The following SND1 variants were observed in gnomAD, a reference collection of about 807,000 sequenced individuals.
SND1 encodes the protein staphylococcal nuclease domain-containing protein 1.
A neutral mutation model predicts 121.7 loss-of-function variants in SND1; 38 were observed. The ratio of observed to expected loss-of-function variants is 0.31; its 90% CI spans 0.24 to 0.41. The LOEUF is 0.41. SND1 is among the 10% of genes least tolerant of loss of function. SND1 has a pLI of 1.00. For synonymous variants in SND1, 401 were observed against 447.4 expected (o/e 0.90, Z 1.31); for missense variants, 868 against 1,184.6 (o/e 0.73, Z 3.92).
chr7:128,004,659 G>A (rs746455973), intron 16 of SND1, among the ~76,000 whole-genome samples: 4 of 152,210 alleles, frequency 2.6e-5, no homozygotes, highest in Middle Eastern at 3.2e-3. Flanking sequence ...AGTCTTTGCC[G>A]CTCTGGTTGC....
Position 127,752,382 on chromosome 7 carries a change from A to G in SND1, c.1152+30982A>G, listed in dbSNP as rs181076719. Among the ~76,000 whole-genome samples the G allele has an allele frequency of 1.1e-4, 16 of 152,282 alleles. No homozygotes were observed. In the East Asian group the frequency reaches 3.1e-3, roughly 29 times the overall value. ...AACAAAACACATTTATTAAATACCT[A>G]TTGTGTGCCAGCTATTGGAAATAGA... On this transcript the variant is annotated intron_variant, in intron 10 of 23. Transcript: ENST00000354725.
intron 15 of SND1, among the ~76,000 whole-genome samples, chr7:127,953,694 G>A (rs1311038386): frequency 6.6e-6 from 1 of 152,170 alleles, no homozygotes; most frequent in African/African-American, 2.4e-5. Context: ...ATGGAGAAAT[G>A]TTTTTCCTCG....
intron 10 of SND1, among the ~76,000 whole-genome samples, chr7:127,753,111 G>T (rs1282416248): frequency 6.6e-6 from 1 of 152,172 alleles, no homozygotes; most frequent in East Asian, 1.9e-4. Flanking sequence ...GACAAATAGT[G>T]TCCCCCATCA....
intron 1 of SND1, among the ~76,000 whole-genome samples, chr7:127,657,479 A>G (rs1005958956): frequency 3.9e-5 from 6 of 152,290 alleles, no homozygotes; most frequent in Admixed American, 2.0e-4. Context: ...GGTTTCCACC[A>G]TTGATGATTT....
At chr7:127,855,227 C>G (rs546721234) in intron 12 of SND1, among the ~76,000 whole-genome samples, 2 of 152,098 alleles carry the variant, frequency 1.3e-5, no homozygotes, top group East Asian at 1.9e-4. Flanking sequence ...TCAGGTGATC[C>G]TCCCACCTCA....
At chr7:128,072,009 C>T (rs322836) in intron 16 of SND1, among the ~76,000 whole-genome samples, 57,207 of 152,020 alleles carry the variant, frequency 0.38, 11,199 homozygotes, top group African/African-American at 0.45. Context: ...CAGGAGAGCC[C>T]GGCTGCACCC....
At chr7:127,868,934 C>T (rs1328739431) in intron 12 of SND1, among the ~76,000 whole-genome samples, 1 of 152,022 alleles carries the variant, frequency 6.6e-6, no homozygotes, top group Non-Finnish European at 1.5e-5. Context: ...CAGTTCTTTG[C>T]ACTGGGGATA....
chr7:127,728,203 C>T (rs1287010155), intron 10 of SND1, among the ~76,000 whole-genome samples: 1 of 151,858 alleles, frequency 6.6e-6, no homozygotes, highest in Non-Finnish European at 1.5e-5. Flanking sequence ...ATTCCCTTTC[C>T]CAGGATCTTG....
intron 11 of SND1, among the ~76,000 whole-genome samples, chr7:127,808,181 GA>G (rs1313531329): frequency 2.0e-5 from 1 of 49,674 alleles, no homozygotes; most frequent in Admixed American, 2.0e-4. Flanking sequence ...TTTTTTTTTT[GA>G]GACAACATCT....
chr7:127,899,024 G>T (rs114036048), intron 13 of SND1, among the ~76,000 whole-genome samples: 1 of 152,042 alleles, frequency 6.6e-6, no homozygotes, highest in Non-Finnish European at 1.5e-5. Flanking sequence ...TCACTGTTCC[G>T]CATTAATCAG....
chr7:128,063,661 G>A (rs1204565866), intron 16 of SND1, among the ~76,000 whole-genome samples: 1 of 152,208 alleles, frequency 6.6e-6, no homozygotes, highest in African/African-American at 2.4e-5. Context: ...AATGCCCATT[G>A]TAATACTGTC....
chr7:127,766,052 A>G (rs919793463), intron 10 of SND1, among the ~76,000 whole-genome samples: 2 of 152,214 alleles, frequency 1.3e-5, no homozygotes, highest in African/African-American at 4.8e-5. Context: ...GCTTTGGGAA[A>G]GTTTAATGGA....
intron 12 of SND1, among the ~76,000 whole-genome samples, chr7:127,846,428 T>C (rs1799063576): frequency 6.6e-6 from 1 of 152,200 alleles, no homozygotes; most frequent in Non-Finnish European, 1.5e-5. Context: ...CATCCTGAAC[T>C]ATAGTTTGTG....
rs760536765 is a variant in SND1, at chr7:128,081,483, G to A, written c.2092G>A (p.Val698Met). 5 of 1,614,012 alleles carry A rather than the reference G, an allele frequency of 3.1e-6. No homozygotes were observed. The highest frequency in any genetic ancestry group is 1.1e-5 in the South Asian group (1 of 91,082). Reference protein sequence around the residue: ...TEITDDLHFYVQDVETGTQLE... With the variant: ...TEITDDLHFYMQDVETGTQLE... ...GATCACTGATGACCTGCACTTCTAC[G>A]TGCAGGATGTGGAGACCGGTGAGTG... is the stretch of plus-strand genomic sequence containing the variant. Residue 698 changes from valine to methionine, a missense_variant, in exon 18 of 24, where the codon GTG (valine) becomes ATG (methionine). Physicochemically the swap from Val to Met is conservative, Grantham distance 21. This residue lies in a region of SND1 where 743 missense variants were observed against 1,071.3 expected (regional missense o/e 0.69). Transcript: ENST00000354725.
chr7:127,712,545 G>A (rs1018162625), intron 9 of SND1, among the ~76,000 whole-genome samples: 1 of 152,140 alleles, frequency 6.6e-6, no homozygotes, highest in African/African-American at 2.4e-5. Context: ...TCCCAATTGA[G>A]ATGCTTGATT....
chr7:127,773,934 TACTC>T (rs772163431), intron 10 of SND1, among the ~76,000 whole-genome samples: 1 of 152,340 alleles, frequency 6.6e-6, no homozygotes, highest in South Asian at 2.1e-4. Flanking sequence ...CACAATGAAT[TACTC>T]ACATGTTGGA....
intron 1 of SND1, among the ~76,000 whole-genome samples, chr7:127,670,209 G>A (rs1288720458): frequency 6.6e-6 from 1 of 151,960 alleles, no homozygotes; most frequent in African/African-American, 2.4e-5. Context: ...GGCTGGTCTC[G>A]AACTCCTGAT....
At chr7:127,908,662 C>T (rs1214051087) in intron 14 of SND1, among the ~76,000 whole-genome samples, 1 of 152,104 alleles carries the variant, frequency 6.6e-6, no homozygotes, top group African/African-American at 2.4e-5. Flanking sequence ...TGGTGACTGA[C>T]TTCATACATA....
At chr7:127,819,056 A>C (rs1798498945) in intron 11 of SND1, among the ~76,000 whole-genome samples, 1 of 152,226 alleles carries the variant, frequency 6.6e-6, no homozygotes, top group Non-Finnish European at 1.5e-5. Flanking sequence ...AATGGACATC[A>C]TGTTTGACAC....
Sources: allele counts gnomAD v4.1 joint callset (sites outside exome capture counted in the v4.1 genomes callset), GRCh38; gene constraint gnomAD v4.1.1; regional missense constraint gnomAD v4.1.1; transcripts MANE v1.5; gene names NCBI Gene and HGNC (gene_info 2026-07-23, HGNC 2026-07-21).